The following ZNF148 variants were observed in gnomAD, a reference collection of about 807,000 sequenced individuals.
ZNF148 encodes zinc finger protein 148.
ZNF148 carries 7 observed loss-of-function variants against 67.7 expected under a neutral mutation model. That is an observed-to-expected ratio of 0.10 (90% CI 0.06 to 0.19). The LOEUF (loss-of-function observed/expected upper bound fraction) is 0.19, where lower values mean the gene tolerates loss of function less well. ZNF148 is among the 10% of genes least tolerant of loss of function. The probability of loss-of-function intolerance (pLI) is 1.00; values close to 1 mark genes in which losing one functional copy is unlikely to be tolerated. For missense variants in ZNF148, 583 were observed against 947.1 expected (o/e 0.62, Z 5.05); for synonymous variants, 333 against 330.7 (o/e 1.01, Z -0.08).
At chr3:125,372,765 G>A (rs528851352) in intron 1 of ZNF148, among the ~76,000 whole-genome samples, 4 of 152,144 alleles carry the variant, frequency 2.6e-5, no homozygotes, top group Non-Finnish European at 5.9e-5. Context: ...TCAGGAGTTC[G>A]AGACCAGCCT....
chr3:125,356,120 A>T (rs943978680), intron 1 of ZNF148, among the ~76,000 whole-genome samples: 2 of 152,246 alleles, frequency 1.3e-5, no homozygotes, highest in African/African-American at 4.8e-5. Flanking sequence ...TCCCACTAGA[A>T]GTACCACTGG....
intron 4 of ZNF148, among the ~76,000 whole-genome samples, chr3:125,298,973 C>T (rs558772405): frequency 9.9e-5 from 15 of 152,248 alleles, no homozygotes; most frequent in African/African-American, 3.6e-4. Flanking sequence ...TAAATGCATG[C>T]ACACAATATG....
At chr3:125,333,423 C>T (rs956523791) in intron 1 of ZNF148, among the ~76,000 whole-genome samples, 23 of 152,204 alleles carry the variant, frequency 1.5e-4, no homozygotes, top group African/African-American at 5.1e-4. Context: ...TCCCCCAAGT[C>T]ACCTGTCACA....
intron 4 of ZNF148, 109 bp downstream of exon 4, chr3:125,313,199 A>G: frequency 1.2e-6 from 1 of 815,980 alleles, no homozygotes; most frequent in Non-Finnish European, 1.9e-6. Context: ...TCTATTCAAG[A>G]ACACTATTTA....
intron 4 of ZNF148, among the ~76,000 whole-genome samples, chr3:125,301,246 T>C (rs1375882686): frequency 6.6e-6 from 1 of 152,252 alleles, no homozygotes; most frequent in Non-Finnish European, 1.5e-5. Context: ...GTATGGCAGC[T>C]CATGCCTGTA....
intron 1 of ZNF148, among the ~76,000 whole-genome samples, chr3:125,362,800 C>T (rs1942585263): frequency 6.6e-6 from 1 of 152,130 alleles, no homozygotes; most frequent in Admixed American, 6.6e-5. Context: ...AGCAATATGC[C>T]CACCTCAGCC....
At chr3:125,256,416 C>T (rs1171300188) in intron 7 of ZNF148, among the ~76,000 whole-genome samples, 2 of 149,514 alleles carry the variant, frequency 1.3e-5, no homozygotes, top group Non-Finnish European at 3.0e-5. Flanking sequence ...GTGGCTCATG[C>T]CCGTAATCCC....
At chr3:125,269,552 T>G (rs914353139) in intron 7 of ZNF148, among the ~76,000 whole-genome samples, 1 of 151,894 alleles carries the variant, frequency 6.6e-6, no homozygotes. Context: ...AGTCTGGAGA[T>G]TTCTCAAGGA....
At chr3:125,358,371 A>C (rs1178752293) in intron 1 of ZNF148, among the ~76,000 whole-genome samples, 2 of 152,160 alleles carry the variant, frequency 1.3e-5, no homozygotes, top group Admixed American at 6.5e-5. Flanking sequence ...CTCCCACTTT[A>C]GCTATTCAAA....
At chr3:125,282,787 C>T (rs1407843487) in intron 5 of ZNF148, among the ~76,000 whole-genome samples, 1 of 152,126 alleles carries the variant, frequency 6.6e-6, no homozygotes, top group South Asian at 2.1e-4. Flanking sequence ...GCCCTAAGGT[C>T]TGCCTATTCA....
At chr3:125,273,976 G>A (rs998241891) in intron 7 of ZNF148, among the ~76,000 whole-genome samples, 1 of 152,124 alleles carries the variant, frequency 6.6e-6, no homozygotes, top group Non-Finnish European at 1.5e-5. Flanking sequence ...TTGTACTTAA[G>A]TTTTTTACTC....
chr3:125,259,431 A>T (rs1406697894), intron 7 of ZNF148, among the ~76,000 whole-genome samples: 1 of 152,216 alleles, frequency 6.6e-6, no homozygotes, highest in African/African-American at 2.4e-5. Context: ...TGCTTTGGAA[A>T]ATGCTATGGT....
At chr3:125,259,870 CCTCA>C (rs1937257975) in intron 7 of ZNF148, among the ~76,000 whole-genome samples, 1 of 152,184 alleles carries the variant, frequency 6.6e-6, no homozygotes, top group African/African-American at 2.4e-5. Flanking sequence ...AACGTATCTT[CCTCA>C]CTAAGCTTAA....
chr3:125,249,591 T>C (rs1038650599), intron 7 of ZNF148, among the ~76,000 whole-genome samples: 2 of 152,018 alleles, frequency 1.3e-5, no homozygotes, highest in African/African-American at 4.8e-5. Context: ...GACAGAGCCA[T>C]TATGGAAAAC....
intron 1 of ZNF148, among the ~76,000 whole-genome samples, chr3:125,338,575 G>A (rs947731391): frequency 1.3e-4 from 18 of 135,420 alleles, no homozygotes; most frequent in Admixed American, 8.3e-4. Context: ...CATGAGAATC[G>A]CTTTAGCCTG....
rs1935662718 is a variant in ZNF148 at position 125,226,919 on chromosome 3, G to T, written c.*5422C>A. 6.6e-6 allele frequency: 1 copy of T among 152,066 alleles called. No individual in the cohort carries two copies. The highest frequency in any genetic ancestry group is 6.6e-5 in the Admixed American group (1 of 15,260). The allele number at this position is 152,066 out of a possible 1,614,324, so 9.4% of individuals were successfully genotyped here. On this transcript the variant is annotated 3_prime_UTR_variant, in exon 9 of 9. Coordinates refer to ENST00000360647, the MANE Select transcript of ZNF148 (RefSeq NM_021964.3). ...TCAATGTGATAAGTTTCATTGCAAAGCAACTGTCACCTGAGTAGATTTTAA... is the reference window on the plus strand; with the variant it reads ...TCAATGTGATAAGTTTCATTGCAAATCAACTGTCACCTGAGTAGATTTTAA...
At chr3:125,300,920 T>G (rs908957546) in intron 4 of ZNF148, among the ~76,000 whole-genome samples, 1 of 151,490 alleles carries the variant, frequency 6.6e-6, no homozygotes, top group Non-Finnish European at 1.5e-5. Flanking sequence ...TAAATCCTCC[T>G]GAATGGGTCT....
intron 7 of ZNF148, among the ~76,000 whole-genome samples, chr3:125,266,819 C>T (rs1937541252): frequency 6.6e-6 from 1 of 151,798 alleles, no homozygotes; most frequent in Non-Finnish European, 1.5e-5. Flanking sequence ...GCTAGATTAA[C>T]AAAGAAAAAG....
chr3:125,351,346 T>C (rs1942143487), intron 1 of ZNF148, among the ~76,000 whole-genome samples: 1 of 124,518 alleles, frequency 8.0e-6, no homozygotes, highest in Non-Finnish European at 1.6e-5. Flanking sequence ...GCCACCGCAC[T>C]CCGGCCTGGG....
Sources: allele counts gnomAD v4.1 joint callset (sites outside exome capture counted in the v4.1 genomes callset), GRCh38; gene constraint gnomAD v4.1.1; transcripts MANE v1.5; gene names NCBI Gene and HGNC (gene_info 2026-07-23, HGNC 2026-07-21).